The following CSMD1 variants were observed in gnomAD, a reference collection of about 807,000 sequenced individuals.
CSMD1 encodes CUB and Sushi multiple domains 1.
A neutral mutation model predicts 417.5 loss-of-function variants in CSMD1; 213 were observed. The observed-to-expected ratio is 0.51, with a 90% CI of 0.46 to 0.57. The LOEUF (loss-of-function observed/expected upper bound fraction) is 0.57, where lower values mean the gene tolerates loss of function less well. CSMD1 is among the 20% of genes least tolerant of loss of function. CSMD1 has a pLI of 0.00. For missense variants in CSMD1, 6,923 were observed against 4,529.7 expected (o/e 1.53, Z -15.17); for synonymous variants, 2,862 against 1,736.8 (o/e 1.65, Z -16.11).
rs141881265 is a variant in CSMD1 at position 4,419,154 on chromosome 8, G to A, written c.415+799C>T. 2.2e-4 allele frequency among the ~76,000 whole-genome samples: 34 copies of A among 152,228 alleles called. No individual in the cohort carries two copies. The East Asian group carries it at 4.8e-3, about 22-fold the overall frequency. On this transcript the variant is annotated intron_variant, in intron 3 of 69. Coordinates refer to ENST00000635120, the MANE Select transcript of CSMD1 (RefSeq NM_033225.6). ...AAGTAAACAGTGTGTGTTGTAAATA[G>A]GAATTGGTTTACACCCCTAACGATA...
intron 2 of CSMD1, among the ~76,000 whole-genome samples, chr8:4,561,378 C>T (rs1367909108): frequency 6.6e-6 from 1 of 151,998 alleles, no homozygotes; most frequent in Non-Finnish European, 1.5e-5. Flanking sequence ...ATCTCAAAAA[C>T]AAAACAAAAC....
chr8:4,313,795 C>T (rs10099537), intron 3 of CSMD1, among the ~76,000 whole-genome samples: 4 of 151,668 alleles, frequency 2.6e-5, no homozygotes, highest in Admixed American at 6.6e-5. Flanking sequence ...GCAGGCGGAT[C>T]AAAAGGTCAG....
chr8:4,213,154 G>A (rs1011363688), intron 3 of CSMD1, among the ~76,000 whole-genome samples: 9 of 152,076 alleles, frequency 5.9e-5, no homozygotes, highest in Non-Finnish European at 4.4e-5. Flanking sequence ...TTCTTACTAG[G>A]ATATAAACCA....
At chr8:3,890,319 T>C (rs1271950478) in intron 5 of CSMD1, among the ~76,000 whole-genome samples, 1 of 152,098 alleles carries the variant, frequency 6.6e-6, no homozygotes, top group Non-Finnish European at 1.5e-5. Context: ...TAATGGAGAA[T>C]TGCACACTTG....
chr8:3,004,199 T>A (rs993424122), intron 52 of CSMD1, among the ~76,000 whole-genome samples: 2 of 152,230 alleles, frequency 1.3e-5, no homozygotes, highest in Admixed American at 1.3e-4. Flanking sequence ...TACACTATGA[T>A]GCCAGAGCCC....
chr8:4,016,917 C>A (rs1011228539), intron 4 of CSMD1, among the ~76,000 whole-genome samples: 1 of 152,126 alleles, frequency 6.6e-6, no homozygotes, highest in Non-Finnish European at 1.5e-5. Context: ...ATGCCATAAT[C>A]CCAATTGTTG....
intron 26 of CSMD1, among the ~76,000 whole-genome samples, chr8:3,282,017 C>G (rs1336421130): frequency 1.3e-5 from 2 of 152,160 alleles, no homozygotes; most frequent in Non-Finnish European, 2.9e-5. Context: ...CCTTTACCTT[C>G]TGCCATGACT....
intron 3 of CSMD1, among the ~76,000 whole-genome samples, chr8:4,353,270 T>G (rs111936117): frequency 0.062 from 9,374 of 151,992 alleles, 921 homozygotes; most frequent in African/African-American, 0.21. Flanking sequence ...TCTCAGGAGA[T>G]CTGATGGTTT....
rs1024706677 is a variant in CSMD1, at chr8:2,936,503, T to G, written c.*2082A>C. 2.0e-5 allele frequency: 3 copies of G among 152,104 alleles called. No homozygotes were observed. Among genetic ancestry groups the G allele is most frequent in the African/African-American group, 7.2e-5 (3 of 41,412 alleles). The allele number at this position is 152,104 out of a possible 1,614,324, so 9.4% of individuals were successfully genotyped here. ...TCAATGTGTGTGTTAGGAGCACGACTCCCGCTGACCTCGTCCCGTCTACTG... is the reference window on the plus strand; with the variant it reads ...TCAATGTGTGTGTTAGGAGCACGACGCCCGCTGACCTCGTCCCGTCTACTG... On this transcript the variant is annotated 3_prime_UTR_variant, in exon 70 of 70. Transcript: ENST00000635120.
chr8:4,275,375 T>A (rs991866984), intron 3 of CSMD1, among the ~76,000 whole-genome samples: 7 of 152,182 alleles, frequency 4.6e-5, no homozygotes, highest in African/African-American at 1.7e-4. Flanking sequence ...ATTAAAGGAA[T>A]CATCTTTAAT....
rs182668177 is a variant in CSMD1 at position 3,290,356 on chromosome 8, C to G, written c.3951-6010G>C. Among the ~76,000 whole-genome samples the G allele has an allele frequency of 1.4e-5, 2 of 146,770 alleles. 1 individual carries two copies. Among genetic ancestry groups the G allele is most frequent in the East Asian group, 3.9e-4 (2 of 5,094 alleles). On this transcript the variant is annotated intron_variant, in intron 25 of 69. Coordinates refer to ENST00000635120, the MANE Select transcript of CSMD1 (RefSeq NM_033225.6). ...AACTTTAAAGTAGTTTTTTCTAATT[C>G]TGTGAAGAAAGTCATTGGTAACTTG...
rs974193150 is a variant in CSMD1, at chr8:3,665,277, C to T, written c.1009+43137G>A. On this transcript the variant is annotated intron_variant, in intron 7 of 69. Coordinates refer to ENST00000635120, the MANE Select transcript of CSMD1 (RefSeq NM_033225.6). ...GGCTCACATCTGTAATTCCTGTAAT[C>T]CCAGCACTTTAGGAGGCTGAGGTGG... is the stretch of plus-strand genomic sequence containing the variant. 1.1e-4 allele frequency among the ~76,000 whole-genome samples: 16 copies of T among 152,118 alleles called. 1 individual carries two copies. Among genetic ancestry groups the T allele is most frequent in the Admixed American group, 7.9e-4 (12 of 15,274 alleles).
At chr8:3,017,333 T>G (rs1355188700) in intron 52 of CSMD1, among the ~76,000 whole-genome samples, 3 of 152,258 alleles carry the variant, frequency 2.0e-5, no homozygotes, top group South Asian at 2.1e-4. Context: ...TAGGAATGCA[T>G]GGAAACTCCT....
intron 2 of CSMD1, among the ~76,000 whole-genome samples, chr8:4,615,761 T>C (rs1052262353): frequency 3.3e-5 from 5 of 152,204 alleles, no homozygotes; most frequent in Non-Finnish European, 7.3e-5. Context: ...TGGAACTACA[T>C]TTCAATTAAT....
At chr8:4,440,406 A>T (rs557004024) in intron 2 of CSMD1, among the ~76,000 whole-genome samples, 1 of 152,150 alleles carries the variant, frequency 6.6e-6, no homozygotes, top group Non-Finnish European at 1.5e-5. Flanking sequence ...TCTCACTCAC[A>T]CCTATATCTA....
At chr8:2,988,994 G>T (rs748355921) in intron 54 of CSMD1, among the ~76,000 whole-genome samples, 3 of 152,068 alleles carry the variant, frequency 2.0e-5, no homozygotes, top group Non-Finnish European at 4.4e-5. Context: ...GCTGCACCAG[G>T]GTCACACTCA....
intron 1 of CSMD1, among the ~76,000 whole-genome samples, chr8:4,833,187 G>A (rs1461992601): frequency 2.0e-5 from 3 of 152,170 alleles, no homozygotes; most frequent in South Asian, 2.1e-4. Flanking sequence ...AAAAAACTAT[G>A]TGAGACTGGG....
In CSMD1 at chr8:3,308,370, G is replaced by C. The variant is rs1406378007; in HGVS notation, c.3765C>G (p.Thr1255=). The part of the protein sequence containing the change: ...NPGYAMHGSN[T]LTCLSGDRRV... ...TCCTGTCTCCACTCAAACAGGTCAGGGTGTTGCTGCCATGCATGGCGTACC... is the reference window on the plus strand; with the variant it reads ...TCCTGTCTCCACTCAAACAGGTCAGCGTGTTGCTGCCATGCATGGCGTACC... The change falls in exon 24 of 70, where the codon ACC becomes ACG. Residue 1255 remains threonine, a synonymous_variant. Coordinates refer to ENST00000635120, the MANE Select transcript of CSMD1 (RefSeq NM_033225.6). 7 of 1,613,638 alleles carry C rather than the reference G, an allele frequency of 4.3e-6. No homozygotes were observed. The highest frequency in any genetic ancestry group is 5.9e-6 in the Non-Finnish European group (7 of 1,179,800).
At chr8:4,838,141 G>A (rs1011776255) in intron 1 of CSMD1, among the ~76,000 whole-genome samples, 1 of 152,056 alleles carries the variant, frequency 6.6e-6, no homozygotes, top group South Asian at 2.1e-4. Flanking sequence ...AAAGCAAGGG[G>A]GAAATATAGC....
Sources: allele counts gnomAD v4.1 joint callset (sites outside exome capture counted in the v4.1 genomes callset), GRCh38; gene constraint gnomAD v4.1.1; transcripts MANE v1.5; gene names NCBI Gene and HGNC (gene_info 2026-07-23, HGNC 2026-07-21).